Variants in KALRN observed in about 807,000 individuals in gnomAD.
KALRN encodes the protein kalirin RhoGEF kinase.
Under a neutral mutation model 353.7 loss-of-function variants are expected in KALRN, and 70 were observed. The observed-to-expected ratio is 0.20, with a 90% CI of 0.16 to 0.24. The LOEUF is 0.24. Ranked by LOEUF, KALRN falls within the 10% of genes least tolerant of loss-of-function variation. The pLI is 1.00. For missense variants in KALRN, 2,791 were observed against 3,756.7 expected (o/e 0.74, Z 6.72); for synonymous variants, 1,391 against 1,434.8 (o/e 0.97, Z 0.69).
chr3:124,231,679 A>G (rs1349358327), intron 2 of KALRN, among the ~76,000 whole-genome samples: 2 of 151,970 alleles, frequency 1.3e-5, no homozygotes, highest in Non-Finnish European at 2.9e-5. Context: ...TAACATTTTA[A>G]GGCTCTGGGA....
intron 5 of KALRN, among the ~76,000 whole-genome samples, chr3:124,291,377 G>A (rs777119347): frequency 6.6e-6 from 1 of 152,034 alleles, no homozygotes; most frequent in Non-Finnish European, 1.5e-5. Flanking sequence ...GTGAAGCAGG[G>A]GATTTTTTTT....
At chr3:124,040,260 G>A (rs578234998) in intron 1 of KALRN, among the ~76,000 whole-genome samples, 1 of 152,316 alleles carries the variant, frequency 6.6e-6, no homozygotes, top group African/African-American at 2.4e-5. Context: ...GGGTGAACTA[G>A]AGGTTCTTCT....
intron 1 of KALRN, among the ~76,000 whole-genome samples, chr3:124,068,117 A>C (rs1464288806): frequency 1.3e-5 from 2 of 152,166 alleles, no homozygotes; most frequent in African/African-American, 4.8e-5. Context: ...TAGTCTGAAA[A>C]TCTCATCATT....
At chr3:124,387,464 A>G (rs181333180) in intron 11 of KALRN, among the ~76,000 whole-genome samples, 104 of 152,322 alleles carry the variant, frequency 6.8e-4, no homozygotes, top group Non-Finnish European at 3.4e-4. Context: ...GGGAAAACCA[A>G]AGTTCAGAAA....
chr3:124,360,012 G>A (rs1016945074), intron 10 of KALRN, among the ~76,000 whole-genome samples: 1 of 152,230 alleles, frequency 6.6e-6, no homozygotes, highest in Non-Finnish European at 1.5e-5. Context: ...TATTTGACCA[G>A]TCAAACAAGG....
In KALRN at chr3:124,131,670, A is replaced by G. The variant is rs188075650; in HGVS notation, c.74-96320A>G. On this transcript the variant is annotated intron_variant, in intron 1 of 59. Transcript: ENST00000682506. ...AGCTGTGACATCAGGGTGTAGGAACACATGAGGTGACTTGTGTGTTGGGAA... is the reference window on the plus strand; with the variant it reads ...AGCTGTGACATCAGGGTGTAGGAACGCATGAGGTGACTTGTGTGTTGGGAA... Among the ~76,000 whole-genome samples the G allele has an allele frequency of 7.3e-3, 1,108 of 152,308 alleles. 7 individuals are homozygous for G. The highest frequency in any genetic ancestry group is 0.011 in the Non-Finnish European group (772 of 68,030).
chr3:124,692,331 CT>C (rs1178348751), intron 51 of KALRN, among the ~76,000 whole-genome samples: 1 of 152,232 alleles, frequency 6.6e-6, no homozygotes, highest in Non-Finnish European at 1.5e-5. Context: ...CTGCAGCCCA[CT>C]TTTTAGAAAA....
intron 57 of KALRN, among the ~76,000 whole-genome samples, chr3:124,706,106 T>C (rs1262737648): frequency 3.3e-5 from 5 of 152,092 alleles, no homozygotes; most frequent in Admixed American, 3.3e-4. Context: ...AAGGTCTCCC[T>C]ATGTTGCCCA....
At position 124,631,702 on chromosome 3, in the gene KALRN, A is replaced by G. The variant is rs377583301; in HGVS notation, c.5183-718A>G. Among the ~76,000 whole-genome samples the G allele has an allele frequency of 7.9e-4, 120 of 152,326 alleles. 2 individuals are homozygous for G. The South Asian group carries it at 0.021, about 27-fold the overall frequency. ...TCCACTTGCCCTCAATATAGAAACC[A>G]GAATGACCTTTAAAAATATAAGCCA... On this transcript the variant is annotated intron_variant, in intron 34 of 59. Coordinates refer to ENST00000682506, the MANE Select transcript of KALRN (RefSeq NM_001388419.1).
At chr3:124,293,496 T>C (rs1396931225) in intron 5 of KALRN, among the ~76,000 whole-genome samples, 1 of 152,190 alleles carries the variant, frequency 6.6e-6, no homozygotes, top group East Asian at 1.9e-4. Flanking sequence ...TTCTGTTTGT[T>C]TTCCTAATTT....
At chr3:124,070,340 C>G (rs2059957639) in intron 1 of KALRN, among the ~76,000 whole-genome samples, 2 of 152,168 alleles carry the variant, frequency 1.3e-5, no homozygotes, top group Non-Finnish European at 2.9e-5. Context: ...TACATACTTA[C>G]CAGGTCCTTG....
chr3:124,575,651 G>A (rs1480404438), intron 34 of KALRN, among the ~76,000 whole-genome samples: 3 of 152,176 alleles, frequency 2.0e-5, no homozygotes, highest in Non-Finnish European at 4.4e-5. Flanking sequence ...TTTGTAGGCT[G>A]TTAGGGAAAA....
intron 33 of KALRN, among the ~76,000 whole-genome samples, chr3:124,543,669 A>T (rs1161701612): frequency 6.6e-6 from 1 of 150,582 alleles, no homozygotes; most frequent in Non-Finnish European, 1.5e-5. Context: ...ATGAGTTTCC[A>T]TCAGAAATCA....
chr3:124,598,566 G>A (rs776627844), intron 34 of KALRN, among the ~76,000 whole-genome samples: 42 of 152,114 alleles, frequency 2.8e-4, no homozygotes, highest in Non-Finnish European at 5.6e-4. Flanking sequence ...GCAGTGTAGA[G>A]GGGCATCATA....
intron 49 of KALRN, among the ~76,000 whole-genome samples, chr3:124,676,513 T>C (rs982633863): frequency 1.3e-5 from 2 of 152,192 alleles, no homozygotes; most frequent in South Asian, 2.1e-4. Flanking sequence ...GACGAGTTCT[T>C]CTGGGAAGAA....
chr3:124,634,598 C>T (rs914149959), intron 36 of KALRN, among the ~76,000 whole-genome samples: 1 of 152,188 alleles, frequency 6.6e-6, no homozygotes, highest in African/African-American at 2.4e-5. Flanking sequence ...GGAGCAGAAG[C>T]GTAGGTTAGA....
intron 37 of KALRN, among the ~76,000 whole-genome samples, chr3:124,642,811 T>TTTGTTGTTG (rs1238417089): frequency 7.2e-6 from 1 of 138,536 alleles, no homozygotes; most frequent in Non-Finnish European, 1.5e-5. Context: ...GCCTCGTTTT[T>TTTGTTGTTG]TTTTTTTTTT....
At chr3:124,441,139 AATTTCC>A (rs1327462379) in intron 18 of KALRN, among the ~76,000 whole-genome samples, 1 of 152,166 alleles carries the variant, frequency 6.6e-6, no homozygotes, top group Non-Finnish European at 1.5e-5. Flanking sequence ...AAATGTTTGT[AATTTCC>A]ATTTAGATTT....
chr3:124,596,365 G>T (rs2076263689), intron 34 of KALRN, among the ~76,000 whole-genome samples: 1 of 152,062 alleles, frequency 6.6e-6, no homozygotes, highest in Admixed American at 6.6e-5. Flanking sequence ...TACTTGGGAG[G>T]TTGAGGCAGG....
Sources: allele counts gnomAD v4.1 joint callset (sites outside exome capture counted in the v4.1 genomes callset), GRCh38; gene constraint gnomAD v4.1.1; transcripts MANE v1.5; gene names NCBI Gene and HGNC (gene_info 2026-07-23, HGNC 2026-07-21).